The following PFKFB3 variants were observed in gnomAD, a reference collection of about 807,000 sequenced individuals.
PFKFB3 encodes 6-phosphofructo-2-kinase/fructose-2,6-biphosphatase 3.
A neutral mutation model predicts 68.0 loss-of-function variants in PFKFB3; 33 were observed. The ratio of observed to expected loss-of-function variants is 0.49; its 90% CI spans 0.37 to 0.65. PFKFB3 has a LOEUF of 0.65. Among genes scored for constraint, PFKFB3 ranks in the 30% least tolerant of loss-of-function variants. The probability of loss-of-function intolerance (pLI) is 0.00; values close to 1 mark genes in which losing one functional copy is unlikely to be tolerated. For synonymous variants in PFKFB3, 315 were observed against 288.2 expected (o/e 1.09, Z -0.94); for missense variants, 586 against 712.2 (o/e 0.82, Z 2.02).
chr10:6,228,191 C>T lies in PFKFB3; in HGVS notation c.1515+1826C>T, dbSNP rs369199789. 247 of 1,612,658 alleles carry T rather than the reference C, an allele frequency of 1.5e-4. No individual in the cohort carries two copies. Among genetic ancestry groups the T allele is most frequent in the Admixed American group, 4.2e-4 (25 of 59,990 alleles). ...CTGACTTCTCTCTCTGCTTCTCCTC[C>T]GCAGCCTTTGCTAGGGCAAGCCTGT... On this transcript the variant is annotated intron_variant, in intron 14 of 14. Coordinates refer to ENST00000379775, the MANE Select transcript of PFKFB3 (RefSeq NM_004566.4). This position sits in a 1 kb window ranked among gnomAD's most constrained non-coding sequence, Gnocchi z 4.5.
At chr10:6,250,294 A>G (rs1846351462) in intron 14 of PFKFB3, among the ~76,000 whole-genome samples, 1 of 152,114 alleles carries the variant, frequency 6.6e-6, no homozygotes, top group Non-Finnish European at 1.5e-5. Flanking sequence ...GGCCAGGCGC[A>G]GTGGCTTACT....
chr10:6,183,959 G>C (rs1437779809), intron 1 of PFKFB3, among the ~76,000 whole-genome samples: 1 of 151,732 alleles, frequency 6.6e-6, no homozygotes, highest in Non-Finnish European at 1.5e-5. Flanking sequence ...CAAAGTGCTG[G>C]GATTACAGGT....
At chr10:6,260,693 A>G in the PFKFB3 span, among the ~76,000 whole-genome samples, 2 of 152,204 alleles carry the variant, frequency 1.3e-5, no homozygotes, top group Non-Finnish European at 2.9e-5. Context: ...TTAAATTCTG[A>G]AATTCATACT....
intron 1 of PFKFB3, chr10:6,146,452 C>A: frequency 6.5e-7 from 1 of 1,535,594 alleles, no homozygotes; most frequent in Non-Finnish European, 8.7e-7. Context: ...CAGCTGGACA[C>A]GTTTAGTCCC....
At chr10:6,163,064 CTG>C (rs141379377) in intron 1 of PFKFB3, among the ~76,000 whole-genome samples, 4,553 of 152,348 alleles carry the variant, frequency 0.03, 122 homozygotes, top group African/African-American at 0.077. Context: ...CATTTGCTTT[CTG>C]TGTTTTCCCC....
the PFKFB3 span, chr10:6,293,951 T>C: frequency 2.0e-6 from 1 of 501,948 alleles, no homozygotes; most frequent in African/African-American, 2.0e-5. Context: ...TCCTTATGGC[T>C]TCACGAATTT....
chr10:6,175,203 G>A (rs372944634), intron 1 of PFKFB3, among the ~76,000 whole-genome samples: 1 of 152,196 alleles, frequency 6.6e-6, no homozygotes. Flanking sequence ...CCATGCACAA[G>A]TAGAGAGAAT....
intron 1 of PFKFB3, among the ~76,000 whole-genome samples, chr10:6,177,438 CTCTTTCTT>C (rs60272376): frequency 0.014 from 1,190 of 86,656 alleles, 23 homozygotes; most frequent in East Asian, 0.044. Flanking sequence ...TCTTTTCTTT[CTCTTTCTT>C]TCTTTCTTTC....
the PFKFB3 span, among the ~76,000 whole-genome samples, chr10:6,312,845 T>A: frequency 6.6e-6 from 1 of 152,244 alleles, no homozygotes; most frequent in African/African-American, 2.4e-5. Flanking sequence ...TCCTTCTAGC[T>A]GACTTTGCAC....
At chr10:6,150,921 C>A (rs1193249657) in intron 1 of PFKFB3, among the ~76,000 whole-genome samples, 1 of 151,372 alleles carries the variant, frequency 6.6e-6, no homozygotes, top group Non-Finnish European at 1.5e-5. Flanking sequence ...ACCGCTTGAA[C>A]CTGGGGGGGC....
intron 1 of PFKFB3, among the ~76,000 whole-genome samples, chr10:6,192,009 C>G (rs1174932584): frequency 4.9e-5 from 5 of 103,048 alleles, no homozygotes; most frequent in Non-Finnish European, 1.1e-4. Flanking sequence ...CAATCAATCC[C>G]TAGATGAGTA....
the PFKFB3 span, among the ~76,000 whole-genome samples, chr10:6,261,338 C>G: frequency 6.6e-6 from 1 of 152,164 alleles, no homozygotes; most frequent in Non-Finnish European, 1.5e-5. Flanking sequence ...CTTTTAATCC[C>G]TTAAACGCTG....
At chr10:6,232,792 G>A in intron 14 of PFKFB3, 103 bp from the exon 15 acceptor site, 1 of 883,076 alleles carries the variant, frequency 1.1e-6, no homozygotes, top group Non-Finnish European at 1.9e-6. Flanking sequence ...TGGGATGGAG[G>A]GAGGGAAGAA....
At chr10:6,258,059 G>T (rs992904393), downstream of PFKFB3, among the ~76,000 whole-genome samples, 1 of 152,158 alleles carries the variant, frequency 6.6e-6, no homozygotes, top group Admixed American at 6.5e-5. Context: ...GAAGCAGACG[G>T]CCTGCTTTAC....
chr10:6,297,764 G>A, the PFKFB3 span, among the ~76,000 whole-genome samples: 1 of 152,148 alleles, frequency 6.6e-6, no homozygotes, highest in Non-Finnish European at 1.5e-5. Context: ...GGATACTTTT[G>A]AGTAGGCTGA....
chr10:6,221,091 G>A (rs1200825409), intron 8 of PFKFB3, among the ~76,000 whole-genome samples: 2 of 152,296 alleles, frequency 1.3e-5, no homozygotes, highest in East Asian at 3.9e-4. Flanking sequence ...GGCTTTGTGT[G>A]TGTGTGTCTT....
chr10:6,267,256 A>G, the PFKFB3 span, among the ~76,000 whole-genome samples: 3 of 152,244 alleles, frequency 2.0e-5, no homozygotes, highest in African/African-American at 7.2e-5. Flanking sequence ...ATTGTACAAA[A>G]CAAACTCACT....
chr10:6,263,867 G>A, the PFKFB3 span, among the ~76,000 whole-genome samples: 1 of 152,200 alleles, frequency 6.6e-6, no homozygotes, highest in South Asian at 2.1e-4. Context: ...TATATTTTTA[G>A]TAGAGATGAA....
intron 14 of PFKFB3, 27 bp from the exon 15 acceptor site, chr10:6,232,868 C>T: frequency 6.2e-7 from 1 of 1,602,442 alleles, no homozygotes; most frequent in South Asian, 1.1e-5. Flanking sequence ...TAACTCCCTC[C>T]CCACCTCTCT....
Sources: gnomAD v4.1 joint callset for allele counts (sites outside exome capture counted in the v4.1 genomes callset) on GRCh38, gnomAD v4.1.1 for gene constraint, Gnocchi (gnomAD v3.1) non-coding constraint, MANE v1.5 for transcripts, NCBI Gene and HGNC (gene_info 2026-07-23, HGNC 2026-07-21) for gene names.